NCKAP5: variants seen among roughly 807,000 people sequenced by gnomAD.
NCKAP5 encodes the protein nck-associated protein 5.
Under a neutral mutation model 167.0 loss-of-function variants are expected in NCKAP5, and 92 were observed. The observed-to-expected ratio is 0.55, with a 90% CI of 0.47 to 0.66. The LOEUF (loss-of-function observed/expected upper bound fraction) is 0.66. NCKAP5 is among the 30% of genes least tolerant of loss of function. NCKAP5 has a pLI of 0.00. For missense variants in NCKAP5, 2,378 were observed against 2,315.0 expected, an observed-to-expected ratio of 1.03 and a Z score of -0.56; for synonymous variants, 891 against 877.4, an observed-to-expected ratio of 1.02 and a Z score of -0.27.
At chr2:133,318,019 G>T (rs1374251748) in intron 3 of NCKAP5, among the ~76,000 whole-genome samples, 5 of 152,200 alleles carry the variant, frequency 3.3e-5, no homozygotes, top group African/African-American at 1.2e-4. Flanking sequence ...CCCTGTCAAG[G>T]AAGAATGTGG....
intron 5 of NCKAP5, among the ~76,000 whole-genome samples, chr2:133,191,616 T>C (rs1293181988): frequency 6.6e-6 from 1 of 152,114 alleles, no homozygotes; most frequent in Non-Finnish European, 1.5e-5. Context: ...ATGTCCTTTG[T>C]AGGGACATGG....
intron 15 of NCKAP5, among the ~76,000 whole-genome samples, chr2:132,775,786 C>A (rs924400019): frequency 6.6e-6 from 1 of 152,122 alleles, no homozygotes; most frequent in Non-Finnish European, 1.5e-5. Context: ...TATAGAACAA[C>A]AAGGAAATCA....
At chr2:133,413,340 G>A (rs1304726087) in intron 3 of NCKAP5, among the ~76,000 whole-genome samples, 1 of 152,204 alleles carries the variant, frequency 6.6e-6, no homozygotes, top group Non-Finnish European at 1.5e-5. Flanking sequence ...AATCTAGCCA[G>A]ATTGTAATGC....
chr2:133,474,833 C>G (rs1679740305), intron 3 of NCKAP5, among the ~76,000 whole-genome samples: 1 of 151,604 alleles, frequency 6.6e-6, no homozygotes, highest in African/African-American at 2.4e-5. Flanking sequence ...GTTTTTGAGA[C>G]ACAGTCTTGC....
intron 6 of NCKAP5, among the ~76,000 whole-genome samples, chr2:133,040,056 A>T (rs186190678): frequency 7.9e-5 from 12 of 152,192 alleles, no homozygotes; most frequent in African/African-American, 2.6e-4. Context: ...CTCAGAATTA[A>T]CATCCTAAAC....
intron 19 of NCKAP5, among the ~76,000 whole-genome samples, chr2:132,714,588 C>A (rs1400799230): frequency 6.6e-6 from 1 of 151,922 alleles, no homozygotes; most frequent in African/African-American, 2.4e-5. Context: ...GAAGCCGAGG[C>A]TGGCGGATCA....
At chr2:133,177,686 T>C (rs976732205) in intron 5 of NCKAP5, among the ~76,000 whole-genome samples, 1 of 152,148 alleles carries the variant, frequency 6.6e-6, no homozygotes, top group South Asian at 2.1e-4. Flanking sequence ...GAGGCTATCA[T>C]GAGGCACCCC....
intron 11 of NCKAP5, among the ~76,000 whole-genome samples, chr2:132,853,492 G>A (rs1392138077): frequency 6.6e-6 from 1 of 152,168 alleles, no homozygotes; most frequent in Non-Finnish European, 1.5e-5. Flanking sequence ...AATACAGATT[G>A]ACACATATGA....
intron 11 of NCKAP5, among the ~76,000 whole-genome samples, chr2:132,849,101 G>T (rs940966887): frequency 4.0e-5 from 6 of 150,464 alleles, no homozygotes; most frequent in African/African-American, 1.5e-4. Context: ...GTAATTAAGG[G>T]ATTAATTTCT....
At chr2:133,343,876 C>A (rs1683768413) in intron 3 of NCKAP5, among the ~76,000 whole-genome samples, 1 of 152,152 alleles carries the variant, frequency 6.6e-6, no homozygotes, top group African/African-American at 2.4e-5. Flanking sequence ...GTGCACCCAT[C>A]CTGGACAATT....
At chr2:132,677,917 T>A (rs1684709343) in intron 19 of NCKAP5, among the ~76,000 whole-genome samples, 1 of 152,198 alleles carries the variant, frequency 6.6e-6, no homozygotes, top group Non-Finnish European at 1.5e-5. Flanking sequence ...GCGATATTTA[T>A]GGAATCTGTG....
At chr2:133,241,069 A>C (rs192547689) in intron 4 of NCKAP5, among the ~76,000 whole-genome samples, 143 of 152,318 alleles carry the variant, frequency 9.4e-4, no homozygotes, top group Non-Finnish European at 1.8e-3. Flanking sequence ...TTCTGTTTCA[A>C]GCCTGTGACT....
At chr2:133,039,007 A>G (rs1339162682) in intron 6 of NCKAP5, among the ~76,000 whole-genome samples, 1 of 152,152 alleles carries the variant, frequency 6.6e-6, no homozygotes, top group Non-Finnish European at 1.5e-5. Context: ...GGAGGCTTAT[A>G]CAATTTCAAC....
chr2:133,315,852 G>A (rs1343870898), intron 3 of NCKAP5, among the ~76,000 whole-genome samples: 3 of 152,126 alleles, frequency 2.0e-5, no homozygotes. Context: ...TTGGGGAAAG[G>A]TGAAGAATAA....
At chr2:133,095,740 A>G (rs1184058634) in intron 6 of NCKAP5, among the ~76,000 whole-genome samples, 1 of 152,260 alleles carries the variant, frequency 6.6e-6, no homozygotes, top group Non-Finnish European at 1.5e-5. Context: ...GAGACATAAT[A>G]GCACATACAT....
At chr2:132,932,729 C>T (rs1696487042) in intron 8 of NCKAP5, among the ~76,000 whole-genome samples, 1 of 152,112 alleles carries the variant, frequency 6.6e-6, no homozygotes, top group South Asian at 2.1e-4. Flanking sequence ...CATCCTAGAA[C>T]TCACTGCTTA....
At chr2:133,597,707 A>G in the NCKAP5 span, among the ~76,000 whole-genome samples, 1 of 151,436 alleles carries the variant, frequency 6.6e-6, no homozygotes, top group African/African-American at 2.4e-5. Flanking sequence ...AAGAAGAGAA[A>G]AAAAAGGGGG....
intron 19 of NCKAP5, among the ~76,000 whole-genome samples, chr2:132,709,518 A>G (rs868677781): frequency 2.0e-5 from 3 of 152,080 alleles, no homozygotes; most frequent in South Asian, 2.1e-4. Flanking sequence ...CTACAGATAC[A>G]ATAGAGACTA....
At chr2:133,146,181 A>T (rs2083190305) in intron 5 of NCKAP5, among the ~76,000 whole-genome samples, 1 of 151,988 alleles carries the variant, frequency 6.6e-6, no homozygotes, top group African/African-American at 2.4e-5. Context: ...AGCAACATCT[A>T]GATAAAATGG....
Sources: allele counts gnomAD v4.1 joint callset (sites outside exome capture counted in the v4.1 genomes callset), GRCh38; gene constraint gnomAD v4.1.1; transcripts MANE v1.5; gene names NCBI Gene and HGNC (gene_info 2026-07-23, HGNC 2026-07-21).